Variants in RABGAP1L observed in about 807,000 individuals in gnomAD.
RABGAP1L encodes the protein rab GTPase-activating protein 1-like.
In RABGAP1L, 63 loss-of-function variants were observed where a neutral mutation model predicts 137.7. That is an observed-to-expected ratio of 0.46 (90% CI 0.37 to 0.56). RABGAP1L has a LOEUF of 0.56. Ranked by LOEUF, RABGAP1L falls within the 20% of genes least tolerant of loss-of-function variation. The probability of loss-of-function intolerance (pLI) is 0.00; values close to 1 mark genes in which losing one functional copy is unlikely to be tolerated. For missense variants in RABGAP1L, 1,095 were observed against 1,244.0 expected, an observed-to-expected ratio of 0.88 and a Z score of 1.80; for synonymous variants, 431 against 433.7, an observed-to-expected ratio of 0.99 and a Z score of 0.08.
At chr1:174,231,480 G>C in intron 4 of RABGAP1L, 125 bp downstream of exon 4, 1 of 867,840 alleles carries the variant, frequency 1.2e-6, no homozygotes, top group East Asian at 2.5e-5. Flanking sequence ...GAGTAAACAT[G>C]TTTAGGCTTA....
intron 12 of RABGAP1L, among the ~76,000 whole-genome samples, chr1:174,374,294 G>A (rs1685339135): frequency 6.6e-6 from 1 of 152,072 alleles, no homozygotes; most frequent in African/African-American, 2.4e-5. Flanking sequence ...CTACTCTCTG[G>A]ACAGAGTTTA....
intron 11 of RABGAP1L, among the ~76,000 whole-genome samples, chr1:174,326,357 G>A (rs1680440816): frequency 6.6e-6 from 1 of 152,036 alleles, no homozygotes; most frequent in African/African-American, 2.4e-5. Context: ...AGAGAAATTG[G>A]GAATCATATA....
chr1:174,424,651 G>C (rs112155330), intron 13 of RABGAP1L, among the ~76,000 whole-genome samples: 21 of 151,972 alleles, frequency 1.4e-4, no homozygotes, highest in African/African-American at 4.8e-4. Context: ...TAATCACCTG[G>C]AAATCACACA....
intron 18 of RABGAP1L, among the ~76,000 whole-genome samples, chr1:174,757,843 A>G (rs1465662712): frequency 7.2e-5 from 11 of 151,854 alleles, no homozygotes; most frequent in Middle Eastern, 3.4e-3. Context: ...GGCCAACATG[A>G]CGAAACCCCG....
intron 19 of RABGAP1L, among the ~76,000 whole-genome samples, chr1:174,912,228 G>C (rs944846732): frequency 6.6e-6 from 1 of 152,096 alleles, no homozygotes; most frequent in Non-Finnish European, 1.5e-5. Flanking sequence ...CTGCAGCCTT[G>C]AACTCTTGGC....
chr1:174,607,821 T>C (rs1198980515), intron 13 of RABGAP1L, among the ~76,000 whole-genome samples: 1 of 152,168 alleles, frequency 6.6e-6, no homozygotes, highest in East Asian at 1.9e-4. Flanking sequence ...TTAAGCAAAA[T>C]GTGTGTTTTA....
chr1:174,780,904 C>CA (rs1686952330), intron 18 of RABGAP1L, among the ~76,000 whole-genome samples: 1 of 151,364 alleles, frequency 6.6e-6, no homozygotes, highest in Non-Finnish European at 1.5e-5. Context: ...ATGAACTCAT[C>CA]CTTTTTATGG....
intron 13 of RABGAP1L, among the ~76,000 whole-genome samples, chr1:174,403,239 G>C (rs1648834279): frequency 7.7e-6 from 1 of 129,154 alleles, no homozygotes; most frequent in Non-Finnish European, 1.6e-5. Context: ...GTGTGTGTGT[G>C]TGTGTGTGTA....
In RABGAP1L at chr1:174,993,169, T is replaced by TTTA. The variant is rs1672167426; in HGVS notation, c.*3171_*3173dup. 1 of 152,242 alleles carries TTTA rather than the reference T, an allele frequency of 6.6e-6. No individual in the cohort carries two copies. Among genetic ancestry groups the TTTA allele is most frequent in the Non-Finnish European group, 1.5e-5 (1 of 68,040 alleles). The allele number at this position is 152,242 out of a possible 1,614,324, so 9.4% of individuals were successfully genotyped here. A position where few individuals can be genotyped will look rare whatever the true frequency, so the allele number is the denominator to read the frequency against. On this transcript the variant is annotated 3_prime_UTR_variant, in exon 26 of 26. Transcript: ENST00000681986. The stretch of plus-strand genomic sequence containing the variant: ...ATCCTGAACCATGTCAAAATTTGGT[T>TTTA]TTATTTAGTTACATATAATTTAATG...
intron 18 of RABGAP1L, among the ~76,000 whole-genome samples, chr1:174,768,020 C>T (rs1275293531): frequency 2.0e-5 from 3 of 152,192 alleles, no homozygotes; most frequent in African/African-American, 7.2e-5. Context: ...CGGTTATCTC[C>T]ACCTGGTCCC....
chr1:174,258,200 T>C (rs1236716099), intron 7 of RABGAP1L, among the ~76,000 whole-genome samples: 2 of 152,254 alleles, frequency 1.3e-5, no homozygotes, highest in Admixed American at 1.3e-4. Flanking sequence ...TTAAATGTGG[T>C]ATTTAATATG....
chr1:174,543,534 T>G (rs187379817), intron 13 of RABGAP1L, among the ~76,000 whole-genome samples: 1 of 152,364 alleles, frequency 6.6e-6, no homozygotes, highest in Admixed American at 6.5e-5. Flanking sequence ...CTGATGGTTC[T>G]TGACTCTTTA....
In RABGAP1L at chr1:174,283,318, A is replaced by G. The variant is rs565979033; in HGVS notation, c.1323+4539A>G. ...CTTCTCAGGAGGCTGAGGTGGGAGGATTGCTTGAGCCCAGGAGGTTGAGGC... is the reference window on the plus strand; with the variant it reads ...CTTCTCAGGAGGCTGAGGTGGGAGGGTTGCTTGAGCCCAGGAGGTTGAGGC... On this transcript the variant is annotated intron_variant, in intron 10 of 25. Transcript: ENST00000681986. 6.4e-4 allele frequency among the ~76,000 whole-genome samples: 97 copies of G among 151,584 alleles called. 1 individual carries two copies. Among genetic ancestry groups the G allele is most frequent in the Non-Finnish European group, 8.8e-4 (60 of 67,850 alleles).
Position 174,859,116 on chromosome 1 carries a change from T to G in RABGAP1L, c.2340+47156T>G, listed in dbSNP as rs191623880. ...TTATAAAGACACATGCATGCGTATA[T>G]TCATTGCAACACTATTCACAATAGC... On this transcript the variant is annotated intron_variant, in intron 19 of 25. Transcript: ENST00000681986. Among the ~76,000 whole-genome samples, 146 of 152,296 alleles carry G rather than the reference T, an allele frequency of 9.6e-4. 1 individual carries two copies. Among genetic ancestry groups the G allele is most frequent in the Admixed American group, 9.4e-3 (144 of 15,288 alleles).
At position 174,291,136 on chromosome 1, in the gene RABGAP1L, A is replaced by G. The variant is rs190972369; in HGVS notation, c.1323+12357A>G. ...AAGGTAGTTTTCTATCTGAATGCCT[A>G]TAAATTCTTTTTCTTCTCTTGCTTA... On this transcript the variant is annotated intron_variant, in intron 10 of 25. Coordinates refer to ENST00000681986, the MANE Select transcript of RABGAP1L (RefSeq NM_001366446.1). Among the ~76,000 whole-genome samples, 32 of 152,304 alleles carry G rather than the reference A, an allele frequency of 2.1e-4. 1 individual carries two copies. Among genetic ancestry groups the G allele is most frequent in the Admixed American group, 1.9e-3 (29 of 15,300 alleles).
At chr1:174,987,386 C>T (rs1177969251) in intron 24 of RABGAP1L, among the ~76,000 whole-genome samples, 1 of 152,098 alleles carries the variant, frequency 6.6e-6, no homozygotes, top group Non-Finnish European at 1.5e-5. Flanking sequence ...AGGATGGTCT[C>T]GCTCTCTTGA....
intron 13 of RABGAP1L, among the ~76,000 whole-genome samples, chr1:174,587,303 G>T (rs1332251271): frequency 9.6e-6 from 1 of 104,434 alleles, no homozygotes; most frequent in East Asian, 3.4e-4. Flanking sequence ...TGGGGTGGGG[G>T]GAGGGGGGAG....
Position 174,314,133 on chromosome 1 carries a change from G to A in RABGAP1L, c.1465+9006G>A, listed in dbSNP as rs139541795. 6.7e-4 allele frequency among the ~76,000 whole-genome samples: 102 copies of A among 152,154 alleles called. No individual in the cohort carries two copies. The East Asian group carries it at 7.9e-3, about 12-fold the overall frequency. On this transcript the variant is annotated intron_variant, in intron 11 of 25. Coordinates refer to ENST00000681986, the MANE Select transcript of RABGAP1L (RefSeq NM_001366446.1). ...GATAGAATTCAACAGTGAAGTCATC[G>A]GTTCCTGGGCTTTTCTTTAGTGGGA...
At chr1:174,639,435 C>T (rs1025643717) in intron 14 of RABGAP1L, among the ~76,000 whole-genome samples, 1 of 152,262 alleles carries the variant, frequency 6.6e-6, no homozygotes, top group East Asian at 1.9e-4. Context: ...CATTTTTCTA[C>T]TACTTTGAAA....
Sources: allele counts gnomAD v4.1 joint callset (sites outside exome capture counted in the v4.1 genomes callset), GRCh38; gene constraint gnomAD v4.1.1; transcripts MANE v1.5; gene names NCBI Gene and HGNC (gene_info 2026-07-23, HGNC 2026-07-21).